RFPL2: variants seen among roughly 807,000 people sequenced by gnomAD.
RFPL2 encodes ret finger protein like 2.
A neutral mutation model predicts 17.8 loss-of-function variants in RFPL2; 13 were observed. The ratio of observed to expected loss-of-function variants is 0.73; its 90% confidence interval spans 0.47 to 1.16. The LOEUF is 1.16. Ranked by LOEUF, RFPL2 falls within the 50% of genes most tolerant of loss-of-function variation. RFPL2 has a pLI of 0.00. For synonymous variants in RFPL2, 189 were observed against 180.9 expected (o/e 1.04, Z -0.36); for missense variants, 431 against 479.3 (o/e 0.90, Z 0.94).
At chr22:32,193,681 G>GT (rs1237219282) in intron 3 of RFPL2, among the ~76,000 whole-genome samples, 4 of 152,032 alleles carry the variant, frequency 2.6e-5, no homozygotes, top group Middle Eastern at 3.2e-3. Context: ...ACCAACATGG[G>GT]GAAACCCCAT....
At position 32,191,287 on chromosome 22, in the gene RFPL2, C is replaced by A. The variant is rs1222466832; in HGVS notation, c.622G>T (p.Val208Phe). ...TTCTGTCTGATGCGCCCACTTCGGA[C>A]GCTCCTGAGGTCGTCAGAAATGAGG... ...FLLISDDLRS[V>F]RSGRIRQNRQ... The change falls in exon 5 of 5, where the codon GTC becomes TTC. Residue 208 changes from valine (V) to phenylalanine (F), a missense_variant. Coordinates refer to ENST00000652607, the MANE Select transcript of RFPL2 (RefSeq NM_001394555.1). 6.2e-7 allele frequency: 1 copy of A among 1,613,938 alleles called. No homozygotes were observed. Among genetic ancestry groups the A allele is most frequent in the East Asian group, 2.2e-5 (1 of 44,872 alleles).
Position 32,193,187 on chromosome 22 carries a change from T to G in RFPL2, c.271A>C (p.Met91Leu), listed in dbSNP as rs1287141861. 2 of 1,613,946 alleles carry G rather than the reference T, an allele frequency of 1.2e-6. No individual in the cohort carries two copies. Among genetic ancestry groups the G allele is most frequent in the South Asian group, 1.1e-5 (1 of 91,074 alleles). Residue 91 changes from methionine to leucine, a missense_variant, in exon 4 of 5, where the codon ATG becomes CTG. Transcript: ENST00000652607. ...CTTGCTTCTTGGAAGAGTGCAGCCA[T>G]GTCCACTGCCAGGGGAAAAGTACAC... ...DRGASSRRVD[M>L]AALFQEASSC...
At chr22:32,196,158 T>G (rs912911705) in intron 2 of RFPL2, among the ~76,000 whole-genome samples, 2 of 152,220 alleles carry the variant, frequency 1.3e-5, no homozygotes, top group African/African-American at 4.8e-5. Flanking sequence ...CTTAACATAA[T>G]GTCCTCCAGG....
chr22:32,203,905 T>C (rs945068705), intron 1 of RFPL2, among the ~76,000 whole-genome samples: 3 of 146,116 alleles, frequency 2.1e-5, no homozygotes, highest in Non-Finnish European at 4.5e-5. Context: ...TACTGCTCCT[T>C]ACACGCCCCC....
Position 32,194,397 on chromosome 22 carries a change from G to T in RFPL2, c.213C>A (p.Asp71Glu), listed in dbSNP as rs1309211476. 1 of 1,608,438 alleles carries T rather than the reference G, an allele frequency of 6.2e-7. No individual in the cohort carries two copies. Residue 71 changes from aspartate to glutamate, a missense_variant, in exon 3 of 5, where the codon GAC becomes GAA. Asp to Glu is a conservative substitution (Grantham distance 45). Transcript: ENST00000652607. ...KRPSCAPSPQ[D>E]LSAQWKQLED... ...CCAGCTGCTTCCACTGGGCGCTCAG[G>T]TCTTGTGGGGAAGGGGCACACGAGG...
At position 32,191,039 on chromosome 22, in the gene RFPL2, G is replaced by A; in HGVS notation, c.870C>T (p.Thr290=). Residue 290 remains threonine (T), a synonymous_variant, in exon 5 of 5, where the codon ACC becomes ACT. Transcript: ENST00000652607. The stretch of plus-strand genomic sequence containing the variant: ...CGAAGAGGAAAGTCAGCGGCACCGT[G>A]GTGGCAGAGAGGCGGCCTCCATCCC... ...SLRDGGRLSA[T]TVPLTFLFVD... The A allele has an allele frequency of 6.2e-7, 1 of 1,613,898 alleles. No homozygotes were observed. The highest frequency in any genetic ancestry group is 8.5e-7 in the Non-Finnish European group (1 of 1,179,852).
chr22:32,200,832 C>T (rs1206112013), intron 2 of RFPL2, among the ~76,000 whole-genome samples: 1 of 152,108 alleles, frequency 6.6e-6, no homozygotes, highest in African/African-American at 2.4e-5. Context: ...CAGGACACTG[C>T]AGCACCATCA....
At chr22:32,201,907 T>C (rs1233018507) in intron 2 of RFPL2, among the ~76,000 whole-genome samples, 4 of 152,188 alleles carry the variant, frequency 2.6e-5, no homozygotes, top group Non-Finnish European at 5.9e-5. Context: ...GACTTGCCCA[T>C]GGCCACTGTC....
chr22:32,200,157 C>T (rs543448768), intron 2 of RFPL2: 30 of 379,106 alleles, frequency 7.9e-5, no homozygotes, highest in South Asian at 2.9e-4. Flanking sequence ...ATGGAGGTCC[C>T]GCAGCAGCTA....
intron 1 of RFPL2, chr22:32,203,397 C>T (rs572387768): frequency 6.6e-6 from 1 of 151,684 alleles, no homozygotes; most frequent in African/African-American, 2.4e-5. Flanking sequence ...CAGATAGCGC[C>T]CCTAAAACGC....
intron 1 of RFPL2, among the ~76,000 whole-genome samples, chr22:32,204,268 G>C (rs1341793935): frequency 6.6e-6 from 1 of 151,472 alleles, no homozygotes; most frequent in Non-Finnish European, 1.5e-5. Flanking sequence ...CCTGCCATGC[G>C]CACTGATGTC....
chr22:32,202,064 C>A (rs541215598), intron 2 of RFPL2, among the ~76,000 whole-genome samples: 54 of 152,172 alleles, frequency 3.5e-4, no homozygotes, highest in Non-Finnish European at 6.9e-4. Flanking sequence ...GAGACAAATC[C>A]ATTTCCAGAA....
At position 32,194,405 on chromosome 22, in the gene RFPL2, G is replaced by C. The variant is rs3986035; in HGVS notation, c.205C>G (p.Pro69Ala). 1.2e-5 allele frequency: 19 copies of C among 1,608,744 alleles called. No individual in the cohort carries two copies. Among genetic ancestry groups the C allele is most frequent in the Admixed American group, 6.8e-5 (4 of 58,478 alleles). ...TNKRPSCAPSPQDLSAQWKQL... is the reference protein window; with the variant it reads ...TNKRPSCAPSAQDLSAQWKQL... ...TTCCACTGGGCGCTCAGGTCTTGTGGGGAAGGGGCACACGAGGGCCTTTTA... is the reference window on the plus strand; with the variant it reads ...TTCCACTGGGCGCTCAGGTCTTGTGCGGAAGGGGCACACGAGGGCCTTTTA... Residue 69 changes from proline to alanine, a missense_variant, in exon 3 of 5, where the codon CCA becomes GCA. Physicochemically the swap from Pro to Ala is conservative, Grantham distance 27. Transcript: ENST00000652607.
At chr22:32,195,747 C>T (rs148864447) in intron 2 of RFPL2, among the ~76,000 whole-genome samples, 1,776 of 152,148 alleles carry the variant, frequency 0.012, 34 homozygotes, top group African/African-American at 0.04. Context: ...TGTGAGCCAC[C>T]GCGCCCGGCC....
At chr22:32,196,974 C>G (rs1923400797) in intron 2 of RFPL2, among the ~76,000 whole-genome samples, 1 of 152,206 alleles carries the variant, frequency 6.6e-6, no homozygotes, top group South Asian at 2.1e-4. Flanking sequence ...CCATATTTTT[C>G]TGCTGTAACT....
intron 2 of RFPL2, among the ~76,000 whole-genome samples, chr22:32,199,420 G>A (rs192013833): frequency 2.8e-4 from 43 of 152,348 alleles, no homozygotes; most frequent in African/African-American, 8.9e-4. Context: ...ACCCTGGACA[G>A]ACAGTGGGAC....
intron 2 of RFPL2, among the ~76,000 whole-genome samples, chr22:32,201,346 C>T (rs570850032): frequency 6.6e-6 from 1 of 152,146 alleles, no homozygotes; most frequent in Non-Finnish European, 1.5e-5. Flanking sequence ...CAAGTGTTCC[C>T]TTATTTCTAT....
intron 2 of RFPL2, among the ~76,000 whole-genome samples, chr22:32,196,262 T>G (rs1923322347): frequency 6.6e-6 from 1 of 152,262 alleles, no homozygotes; most frequent in Admixed American, 6.5e-5. Flanking sequence ...ATTCATAAAA[T>G]AACAGCTTTG....
At chr22:32,202,982 C>A (rs777216006) in intron 1 of RFPL2, 837 of 985,854 alleles carry the variant, frequency 8.5e-4, no homozygotes, top group Middle Eastern at 1.6e-3. Context: ...GGGCCCCTGC[C>A]GCGCTCAGGA....
Sources: gnomAD v4.1 joint callset for allele counts (sites outside exome capture counted in the v4.1 genomes callset) on GRCh38, gnomAD v4.1.1 for gene constraint, MANE v1.5 for transcripts, NCBI Gene and HGNC (gene_info 2026-07-23, HGNC 2026-07-21) for gene names.